MAGI2: variants seen among roughly 807,000 people sequenced by gnomAD.
MAGI2 encodes membrane associated guanylate kinase, WW and PDZ domain containing 2, also known as membrane-associated guanylate kinase, WW and PDZ domain-containing protein 2.
Under a neutral mutation model 133.3 loss-of-function variants are expected in MAGI2, and 35 were observed. The ratio of observed to expected loss-of-function variants is 0.26; its 90% CI spans 0.20 to 0.35. MAGI2 has a LOEUF of 0.35. Among genes scored for constraint, MAGI2 ranks in the 10% least tolerant of loss-of-function variants. MAGI2 has a pLI of 1.00. For missense variants in MAGI2, 1,636 were observed against 1,863.4 expected, an observed-to-expected ratio of 0.88 and a Z score of 2.25; for synonymous variants, 729 against 710.6, an observed-to-expected ratio of 1.03 and a Z score of -0.41.
chr7:79,249,524 T>C (rs1246093313), intron 1 of MAGI2, among the ~76,000 whole-genome samples: 2 of 152,168 alleles, frequency 1.3e-5, no homozygotes, highest in African/African-American at 4.8e-5. Flanking sequence ...TGAGCAATTA[T>C]ATGCCAATGA....
chr7:78,878,716 C>T lies in MAGI2; in HGVS notation c.418+128374G>A, dbSNP rs535597342. ...GTTTTTGGTTATACATTAACAGAGG[C>T]TTAGAATTTTGGGTGGAGAAAATTC... On this transcript the variant is annotated intron_variant, in intron 2 of 21. Transcript: ENST00000354212. Among the ~76,000 whole-genome samples the T allele has an allele frequency of 2.6e-5, 4 of 152,294 alleles. No homozygotes were observed. In the East Asian group the frequency reaches 7.7e-4, roughly 29 times the overall value.
intron 1 of MAGI2, among the ~76,000 whole-genome samples, chr7:79,027,454 A>G (rs1402711684): frequency 2.0e-5 from 3 of 152,134 alleles, no homozygotes; most frequent in Non-Finnish European, 4.4e-5. Flanking sequence ...AGCTAGGCAC[A>G]GAAAGACAAG....
At chr7:79,184,611 C>T (rs1239964055) in intron 1 of MAGI2, among the ~76,000 whole-genome samples, 3 of 151,548 alleles carry the variant, frequency 2.0e-5, no homozygotes, top group Non-Finnish European at 2.9e-5. Flanking sequence ...ACATGGGATA[C>T]AACTTTGCAT....
intron 2 of MAGI2, among the ~76,000 whole-genome samples, chr7:78,877,842 A>G (rs1335303758): frequency 1.3e-5 from 2 of 152,250 alleles, no homozygotes; most frequent in Non-Finnish European, 2.9e-5. Context: ...TTCAGAGATT[A>G]TCCTACATCA....
Position 78,019,586 on chromosome 7 carries a change from T to TTCCC in MAGI2, c.4093_4096dup (p.Lys1366ArgfsTer76). ...GCCCGCCGCCGCACGGGGCGCCTCCTTCCCGCCCGCCCGCGCCGCGTCCGC... is the reference window on the plus strand; with the variant it reads ...GCCCGCCGCCGCACGGGGCGCCTCCTTCCCTCCCGCCCGCCCGCGCCGCGTCCGC... On this transcript the variant is annotated frameshift_variant, in exon 22 of 22. Transcript: ENST00000354212. LOFTEE classifies it low-confidence loss of function (END_TRUNC). The TTCCC allele has an allele frequency of 1.0e-6, 1 of 979,882 alleles. No homozygotes were observed. Among genetic ancestry groups the TTCCC allele is most frequent in the Non-Finnish European group, 1.2e-6 (1 of 828,118 alleles). The allele number at this position is 979,882 out of a possible 1,614,324, so 60.7% of individuals were successfully genotyped here.
chr7:79,424,377 G>C (rs1847190076), intron 1 of MAGI2, among the ~76,000 whole-genome samples: 1 of 151,956 alleles, frequency 6.6e-6, no homozygotes, highest in African/African-American at 2.4e-5. Flanking sequence ...CATAGAAGCA[G>C]AGAGTAGAAT....
At chr7:79,283,428 C>G (rs145598725) in intron 1 of MAGI2, among the ~76,000 whole-genome samples, 10 of 152,188 alleles carry the variant, frequency 6.6e-5, no homozygotes, top group South Asian at 4.1e-4. Flanking sequence ...ACCTAACAAC[C>G]ATTACTCACT....
intron 1 of MAGI2, among the ~76,000 whole-genome samples, chr7:79,204,822 T>C (rs1382150318): frequency 6.6e-6 from 1 of 151,398 alleles, no homozygotes; most frequent in African/African-American, 2.4e-5. Flanking sequence ...AAAAATACAA[T>C]GAATGAAATG....
chr7:78,930,040 A>T (rs1441013511), intron 2 of MAGI2, among the ~76,000 whole-genome samples: 4 of 152,086 alleles, frequency 2.6e-5, no homozygotes, highest in African/African-American at 9.7e-5. Flanking sequence ...GCACTGGATG[A>T]TGTTCATTCT....
At chr7:79,292,269 A>G (rs1836546842) in intron 1 of MAGI2, among the ~76,000 whole-genome samples, 1 of 152,054 alleles carries the variant, frequency 6.6e-6, no homozygotes, top group Non-Finnish European at 1.5e-5. Context: ...TCATTTATTT[A>G]CTTATTTATT....
At chr7:78,086,660 G>T (rs1816675926) in intron 20 of MAGI2, among the ~76,000 whole-genome samples, 2 of 147,478 alleles carry the variant, frequency 1.4e-5, no homozygotes, top group Admixed American at 6.8e-5. Flanking sequence ...TTTGAGATAG[G>T]GTCTCACTTT....
intron 1 of MAGI2, among the ~76,000 whole-genome samples, chr7:79,059,317 A>ACAAC (rs1162656043): frequency 6.6e-6 from 1 of 152,040 alleles, no homozygotes; most frequent in African/African-American, 2.4e-5. Context: ...TTGTATTCCT[A>ACAAC]GTGTCATCCA....
At chr7:78,712,854 C>T (rs1464045198) in intron 2 of MAGI2, among the ~76,000 whole-genome samples, 2 of 152,028 alleles carry the variant, frequency 1.3e-5, no homozygotes, top group African/African-American at 2.4e-5. Context: ...AATCTTCCAT[C>T]CCCAAGACAA....
At chr7:78,252,699 C>CGGG (rs1792535428) in intron 10 of MAGI2, 1 of 151,690 alleles carries the variant, frequency 6.6e-6, no homozygotes, top group African/African-American at 2.4e-5. Flanking sequence ...CCCAGCACTT[C>CGGG]GGGAGGCTGA....
chr7:78,556,591 T>A (rs1016652504), intron 3 of MAGI2, among the ~76,000 whole-genome samples: 1 of 152,132 alleles, frequency 6.6e-6, no homozygotes, highest in Non-Finnish European at 1.5e-5. Flanking sequence ...ACCCTCTCTA[T>A]CTATAGGTGA....
At chr7:78,826,078 C>T (rs529572638) in intron 2 of MAGI2, among the ~76,000 whole-genome samples, 1 of 152,166 alleles carries the variant, frequency 6.6e-6, no homozygotes, top group East Asian at 1.9e-4. Context: ...ATAGGCCAGG[C>T]ACGGTGGCTC....
chr7:78,225,559 T>G (rs1789292984), intron 10 of MAGI2, among the ~76,000 whole-genome samples: 1 of 152,266 alleles, frequency 6.6e-6, no homozygotes, highest in Admixed American at 6.5e-5. Context: ...AAAAATGTTT[T>G]GAGCACTTAC....
intron 1 of MAGI2, among the ~76,000 whole-genome samples, chr7:79,393,708 T>G (rs1231654822): frequency 6.6e-6 from 1 of 152,234 alleles, no homozygotes; most frequent in East Asian, 1.9e-4. Flanking sequence ...ATTTAATTTC[T>G]AAGAGCAATT....
intron 2 of MAGI2, among the ~76,000 whole-genome samples, chr7:78,736,770 T>C (rs1289307993): frequency 1.3e-5 from 2 of 151,820 alleles, no homozygotes; most frequent in African/African-American, 2.4e-5. Context: ...GCCAGAAAAC[T>C]GGGGGTGGGG....
Sources: gnomAD v4.1 joint callset for allele counts (sites outside exome capture counted in the v4.1 genomes callset) on GRCh38, gnomAD v4.1.1 for gene constraint, MANE v1.5 for transcripts, NCBI Gene and HGNC (gene_info 2026-07-23, HGNC 2026-07-21) for gene names.